The following IPO9 variants were observed in gnomAD, a reference collection of about 807,000 sequenced individuals.
IPO9 encodes the protein importin-9.
Under a neutral mutation model 128.6 loss-of-function variants are expected in IPO9, and 28 were observed. The ratio of observed to expected loss-of-function variants is 0.22; its 90% CI spans 0.16 to 0.30. The LOEUF is 0.30. Among genes scored for constraint, IPO9 ranks in the 10% least tolerant of loss-of-function variants. The pLI is 1.00. For synonymous variants in IPO9, 455 were observed against 475.8 expected, an observed-to-expected ratio of 0.96 and a Z score of 0.57; for missense variants, 935 against 1,293.9, an observed-to-expected ratio of 0.72 and a Z score of 4.26.
rs2102893146 is a variant in IPO9 at position 201,876,960 on chromosome 1, G to A, written c.*906G>A. On this transcript the variant is annotated 3_prime_UTR_variant, in exon 24 of 24. Coordinates refer to ENST00000361565, the MANE Select transcript of IPO9 (RefSeq NM_018085.5). Reference sequence around the variant, plus strand: ...GGACAGTAAAGTAATCTTTACAAATGAATTTAGTTGCATGGTATAAGGTGT... The same window carrying A: ...GGACAGTAAAGTAATCTTTACAAATAAATTTAGTTGCATGGTATAAGGTGT... 6.5e-6 allele frequency: 1 copy of A among 152,680 alleles called. No homozygotes were observed. Among genetic ancestry groups the A allele is most frequent in the South Asian group, 2.1e-4 (1 of 4,820 alleles). The allele number at this position is 152,680 out of a possible 1,614,324, so 9.5% of individuals were successfully genotyped here.
chr1:201,875,762 A>G (rs954479714), intron 23 of IPO9, among the ~76,000 whole-genome samples, 182 bp from the exon 24 acceptor site: 3 of 152,100 alleles, frequency 2.0e-5, no homozygotes, highest in Non-Finnish European at 4.4e-5. Context: ...ACAGCCTTGG[A>G]AAAATGTTGT....
chr1:201,861,530 C>G (rs1438826988), intron 13 of IPO9, among the ~76,000 whole-genome samples: 1 of 152,160 alleles, frequency 6.6e-6, no homozygotes, highest in Non-Finnish European at 1.5e-5. Flanking sequence ...CCCGGCTAAG[C>G]TGTGATGTTC....
At chr1:201,853,976 T>A (rs2678208) in intron 6 of IPO9, among the ~76,000 whole-genome samples, 2 of 152,172 alleles carry the variant, frequency 1.3e-5, no homozygotes, top group Non-Finnish European at 2.9e-5. Context: ...GACCTCGTGA[T>A]CCACCCACCT....
chr1:201,865,175 T>C (rs1680526505), intron 14 of IPO9, among the ~76,000 whole-genome samples: 1 of 151,742 alleles, frequency 6.6e-6, no homozygotes. Context: ...CTTATGTCCG[T>C]GTCACACTAT....
At chr1:201,859,207 A>ATAT (rs1491106859) in intron 13 of IPO9, among the ~76,000 whole-genome samples, 1 of 140,544 alleles carries the variant, frequency 7.1e-6, no homozygotes. Context: ...ATATATATAT[A>ATAT]AAGGAAACTC....
intron 13 of IPO9, among the ~76,000 whole-genome samples, chr1:201,862,725 G>A (rs1412285205): frequency 1.3e-5 from 2 of 150,964 alleles, no homozygotes; most frequent in African/African-American, 4.9e-5. Flanking sequence ...AGAATCACTT[G>A]AACCAGGGAG....
At chr1:201,834,246 G>A (rs1679887085) in intron 1 of IPO9, among the ~76,000 whole-genome samples, 1 of 143,058 alleles carries the variant, frequency 7.0e-6, no homozygotes, top group South Asian at 2.3e-4. Context: ...TCTAAAGCAT[G>A]CTTTCTAATT....
intron 5 of IPO9, among the ~76,000 whole-genome samples, chr1:201,852,759 A>G (rs1003154421): frequency 1.3e-5 from 2 of 152,142 alleles, no homozygotes; most frequent in African/African-American, 4.8e-5. Context: ...TTTTTAATCA[A>G]ATGAACCCAC....
At position 201,875,181 on chromosome 1, in the gene IPO9, G is replaced by A. The variant is rs1446298414; in HGVS notation, c.2968G>A (p.Asp990Asn). The A allele has an allele frequency of 3.7e-6, 6 of 1,614,216 alleles. No individual in the cohort carries two copies. The change falls in exon 23 of 24, where the codon GAT (aspartate) becomes AAT (asparagine). Residue 990 changes from aspartate to asparagine, a missense_variant. This residue lies in a region of IPO9 where 188 missense variants were observed against 246.7 expected (regional missense o/e 0.76). Coordinates refer to ENST00000361565, the MANE Select transcript of IPO9 (RefSeq NM_018085.5). The part of the protein sequence containing the change: ...EEDYYEDDEE[D>N]DPDALKDPLY... ...GGATTACTACGAGGATGATGAGGAAGATGACCCTGATGCCCTGAAGGATCC... is the reference window on the plus strand; with the variant it reads ...GGATTACTACGAGGATGATGAGGAAAATGACCCTGATGCCCTGAAGGATCC...
At position 201,876,501 on chromosome 1, in the gene IPO9, A is replaced by AGAGAGTGG; in HGVS notation, c.*447_*448insGAGAGTGG. On this transcript the variant is annotated 3_prime_UTR_variant, in exon 24 of 24. Coordinates refer to ENST00000361565, the MANE Select transcript of IPO9 (RefSeq NM_018085.5). ...GTTCAGATAGGAATCCTCATGAGAGATCATTATGCTTTGTGCCCTGGACCA... is the reference window on the plus strand; with the variant it reads ...GTTCAGATAGGAATCCTCATGAGAGAGAGAGTGGTCATTATGCTTTGTGCCCTGGACCA... 3.6e-6 allele frequency: 1 copy of AGAGAGTGG among 280,676 alleles called. No homozygotes were observed. Among genetic ancestry groups the AGAGAGTGG allele is most frequent in the Non-Finnish European group, 7.1e-6 (1 of 141,072 alleles). The allele number at this position is 280,676 out of a possible 1,614,324, so 17.4% of individuals were successfully genotyped here.
chr1:201,856,960 TAC>T, intron 10 of IPO9, 134 bp from the exon 11 acceptor site: 1 of 672,786 alleles, frequency 1.5e-6, no homozygotes, highest in Admixed American at 2.1e-5. Context: ...GTGTCAGGAT[TAC>T]AGTTGTGAGC....
intron 10 of IPO9, among the ~76,000 whole-genome samples, chr1:201,856,408 G>A (rs973706767): frequency 5.3e-5 from 8 of 152,044 alleles, no homozygotes; most frequent in Admixed American, 1.3e-4. Context: ...AGCAAAGAAC[G>A]TTCAAAAATT....
At chr1:201,873,432 G>A (rs1467233510) in intron 20 of IPO9, among the ~76,000 whole-genome samples, 4 of 116,948 alleles carry the variant, frequency 3.4e-5, no homozygotes, top group Admixed American at 1.0e-4. Context: ...ACAACAAAAT[G>A]AGACTCCGTC....
At chr1:201,858,832 T>G (rs778616738) in intron 12 of IPO9, 23 bp from the exon 13 acceptor site, 2 of 1,579,742 alleles carry the variant, frequency 1.3e-6, no homozygotes, top group Non-Finnish European at 1.7e-6. Flanking sequence ...TATGTTTTAC[T>G]AGGCTGTAGT....
chr1:201,869,056 G>T (rs939170525), intron 16 of IPO9, among the ~76,000 whole-genome samples: 2 of 152,216 alleles, frequency 1.3e-5, no homozygotes, highest in Admixed American at 1.3e-4. Flanking sequence ...TTCGAGACCA[G>T]CCTGGCCAAT....
chr1:201,863,218 G>A (rs1380796007), intron 13 of IPO9, among the ~76,000 whole-genome samples: 3 of 152,048 alleles, frequency 2.0e-5, no homozygotes, highest in Non-Finnish European at 2.9e-5. Context: ...CGGGCATGGT[G>A]GCAGGCGCCT....
At chr1:201,855,526 C>T (rs138673544) in intron 9 of IPO9, among the ~76,000 whole-genome samples, 1 of 152,270 alleles carries the variant, frequency 6.6e-6, no homozygotes, top group East Asian at 1.9e-4. Flanking sequence ...CTCATTATTT[C>T]AGATTAGAAC....
rs998989090 is a variant in IPO9, at chr1:201,854,666, A to G, written c.762A>G (p.Ile254Met). The G allele has an allele frequency of 7.4e-6, 12 of 1,614,046 alleles. No individual in the cohort carries two copies. The African/African-American group carries it at 1.3e-4, about 18-fold the overall frequency. ...FTEAFVQALQ[I>M]PDGPTSDSGF... ...AGGCCTTTGTTCAGGCCCTCCAGAT[A>G]CCAGATGGCCCCACATCTGACAGTG... Residue 254 changes from isoleucine (I) to methionine (M), a missense_variant, in exon 7 of 24, where the codon ATA becomes ATG. Ile to Met is a conservative substitution (Grantham distance 10, BLOSUM62 1). Around this residue, in one of 3 missense-constraint regions of IPO9, gnomAD observed 741 missense variants for 1,019.1 expected, o/e 0.73. Coordinates refer to ENST00000361565, the MANE Select transcript of IPO9 (RefSeq NM_018085.5).
At chr1:201,873,309 G>C (rs1170379131) in intron 20 of IPO9, among the ~76,000 whole-genome samples, 2 of 152,052 alleles carry the variant, frequency 1.3e-5, no homozygotes, top group Non-Finnish European at 2.9e-5. Flanking sequence ...GCCAGGCATG[G>C]TGGTGGGCGC....
Sources: allele counts gnomAD v4.1 joint callset (sites outside exome capture counted in the v4.1 genomes callset), GRCh38; gene constraint gnomAD v4.1.1; regional missense constraint gnomAD v4.1.1; transcripts MANE v1.5; gene names NCBI Gene and HGNC (gene_info 2026-07-23, HGNC 2026-07-21).